Variants in CLINT1 observed in about 807,000 individuals in gnomAD.
CLINT1 encodes clathrin interactor 1.
A neutral mutation model predicts 70.4 loss-of-function variants in CLINT1; 15 were observed. That is an observed-to-expected ratio of 0.21 (90% confidence interval 0.14 to 0.33). CLINT1 has a LOEUF of 0.33. CLINT1 is among the 10% of genes least tolerant of loss of function. The pLI is 1.00. For synonymous variants in CLINT1, 227 were observed against 254.7 expected, an observed-to-expected ratio of 0.89 and a Z score of 1.04; for missense variants, 615 against 778.1, an observed-to-expected ratio of 0.79 and a Z score of 2.49.
At chr5:157,835,575 A>G (rs189107858) in intron 1 of CLINT1, among the ~76,000 whole-genome samples, 39 of 152,276 alleles carry the variant, frequency 2.6e-4, no homozygotes, top group Middle Eastern at 3.4e-3. Flanking sequence ...AATGTCTAAC[A>G]TAAGATGGCT....
At chr5:157,847,467 T>C (rs892190622) in intron 1 of CLINT1, among the ~76,000 whole-genome samples, 50 of 151,564 alleles carry the variant, frequency 3.3e-4, no homozygotes, top group Admixed American at 1.8e-3. Flanking sequence ...GCCGAGATCG[T>C]GCCACTACAC....
intron 1 of CLINT1, among the ~76,000 whole-genome samples, chr5:157,835,918 T>A (rs185780016): frequency 6.6e-6 from 1 of 152,326 alleles, no homozygotes; most frequent in East Asian, 1.9e-4. Flanking sequence ...TTCAAAAACA[T>A]GAAAACTTCT....
At chr5:157,818,203 A>G (rs72814509) in intron 1 of CLINT1, among the ~76,000 whole-genome samples, 19,864 of 152,102 alleles carry the variant, frequency 0.13, 1,529 homozygotes, top group Non-Finnish European at 0.19. Flanking sequence ...GTCTTCAGCA[A>G]TGATCAAGAA....
intron 3 of CLINT1, 36 bp from the exon 4 acceptor site, chr5:157,814,329 A>G: frequency 7.2e-7 from 1 of 1,386,890 alleles, no homozygotes; most frequent in South Asian, 1.2e-5. Flanking sequence ...ATTTAATGAA[A>G]TATATTCTAG....
chr5:157,791,868 AC>A lies in CLINT1; in HGVS notation c.1214del (p.Ser405MetfsTer7). ...SASQPAVELV[S>X]GSQSALGPPP... ...GTGGGCCTAGAGCTGATTGTGAGCC[AC>A]TAACAAGTTCTACCGCTGGCTGTGA... On this transcript the variant is annotated frameshift_variant, in exon 10 of 12. Transcript: ENST00000411809. LOFTEE classifies it high-confidence loss of function. The A allele has an allele frequency of 6.2e-7, 1 of 1,614,000 alleles. No homozygotes were observed. The highest frequency in any genetic ancestry group is 8.5e-7 in the Non-Finnish European group (1 of 1,179,878).
intron 7 of CLINT1, among the ~76,000 whole-genome samples, chr5:157,804,931 A>AAAAAAT: frequency 6.6e-6 from 1 of 150,656 alleles, no homozygotes; most frequent in Middle Eastern, 3.5e-3. Context: ...CGGTCTTCCA[A>AAAAAAT]AAAAAGAAAA....
intron 5 of CLINT1, among the ~76,000 whole-genome samples, chr5:157,810,799 ATAAC>A (rs1388025782): frequency 6.6e-6 from 1 of 152,244 alleles, no homozygotes; most frequent in Non-Finnish European, 1.5e-5. Flanking sequence ...AAACAACAAA[ATAAC>A]TAAAAAGTGG....
chr5:157,842,767 A>C (rs762914900), intron 1 of CLINT1, among the ~76,000 whole-genome samples: 2 of 152,242 alleles, frequency 1.3e-5, no homozygotes, highest in Non-Finnish European at 2.9e-5. Context: ...TTACAGAAAC[A>C]AAGTATAGAA....
At chr5:157,795,798 G>A (rs941059494) in intron 8 of CLINT1, 7 of 152,284 alleles carry the variant, frequency 4.6e-5, no homozygotes, top group African/African-American at 1.7e-4. Context: ...GGAGGATGAG[G>A]TAGCAGGATC....
At chr5:157,824,689 G>T (rs1263408282) in intron 1 of CLINT1, among the ~76,000 whole-genome samples, 1 of 152,094 alleles carries the variant, frequency 6.6e-6, no homozygotes, top group African/African-American at 2.4e-5. Flanking sequence ...ATAAAATAAA[G>T]TTTGGAAAAG....
At chr5:157,851,685 T>G (rs1448268895) in intron 1 of CLINT1, among the ~76,000 whole-genome samples, 1 of 92,892 alleles carries the variant, frequency 1.1e-5, no homozygotes, top group African/African-American at 4.9e-5. Flanking sequence ...AGACCCCGTC[T>G]CAAAAAAAAA....
intron 1 of CLINT1, among the ~76,000 whole-genome samples, chr5:157,819,938 A>T (rs1449569129): frequency 1.3e-5 from 2 of 152,206 alleles, no homozygotes; most frequent in African/African-American, 2.4e-5. Flanking sequence ...CCTTCACAAG[A>T]TTCTTAGCTG....
intron 10 of CLINT1, among the ~76,000 whole-genome samples, chr5:157,791,031 C>T (rs1295423247): frequency 6.6e-6 from 1 of 151,972 alleles, no homozygotes; most frequent in African/African-American, 2.4e-5. Context: ...GGATACTTGC[C>T]GTAAGTGAAA....
chr5:157,850,956 G>A (rs1049845417), intron 1 of CLINT1, among the ~76,000 whole-genome samples: 5 of 151,838 alleles, frequency 3.3e-5, no homozygotes, highest in Admixed American at 1.3e-4. Flanking sequence ...CACCATGTCC[G>A]GCTAATTTTT....
At position 157,791,720 on chromosome 5, in the gene CLINT1, G is replaced by A. The variant is rs1761911957; in HGVS notation, c.1363C>T (p.Pro455Ser). Reference protein sequence around the residue: ...MSTNTVGLGLPMSRSQNTDMV... With the variant: ...MSTNTVGLGLSMSRSQNTDMV... ...CAACTTACCTGTGATCTTGACATAGGCAAACCAAGTCCCACAGTGTTAGTG... is the reference window on the plus strand; with the variant it reads ...CAACTTACCTGTGATCTTGACATAGACAAACCAAGTCCCACAGTGTTAGTG... Residue 455 changes from proline (P) to serine (S), a missense_variant, in exon 10 of 12, where the codon CCT (proline) becomes TCT (serine). Physicochemically the swap from Pro to Ser is moderately conservative, Grantham distance 74. This residue lies in a region of CLINT1 where 374 missense variants were observed against 409.6 expected (regional missense o/e 0.91). Coordinates refer to ENST00000411809, the MANE Select transcript of CLINT1 (RefSeq NM_014666.4). The A allele has an allele frequency of 6.2e-7, 1 of 1,612,538 alleles. No individual in the cohort carries two copies. Among genetic ancestry groups the A allele is most frequent in the Non-Finnish European group, 8.5e-7 (1 of 1,179,176 alleles).
chr5:157,789,212 A>G lies in CLINT1; in HGVS notation c.1531+151T>C, dbSNP rs1761828512. On this transcript the variant is annotated intron_variant, in intron 11 of 11. Coordinates refer to ENST00000411809, the MANE Select transcript of CLINT1 (RefSeq NM_014666.4). ...AATGTGCCAGGAGGAATACCCAGTAAATATTATGTGAAAATATCTTAAGTG... is the reference window on the plus strand; with the variant it reads ...AATGTGCCAGGAGGAATACCCAGTAGATATTATGTGAAAATATCTTAAGTG... 7.2e-6 allele frequency: 5 copies of G among 693,454 alleles called. No homozygotes were observed. In the Admixed American group the frequency reaches 1.2e-4, roughly 17 times the overall value. 43.0% of individuals were successfully genotyped at this position (693,454 alleles called of 1,614,324 possible). A position where few individuals can be genotyped will look rare whatever the true frequency, so the allele number is the denominator to read the frequency against.
chr5:157,788,179 T>C (rs1002913842), intron 11 of CLINT1, among the ~76,000 whole-genome samples, 187 bp from the exon 12 acceptor site: 1 of 152,208 alleles, frequency 6.6e-6, no homozygotes, highest in Middle Eastern at 3.2e-3. Context: ...TCAGTGACTA[T>C]TGGCTCTGGT....
chr5:157,806,182 G>C, intron 6 of CLINT1, 70 bp from the exon 7 acceptor site: 2 of 1,492,562 alleles, frequency 1.3e-6, no homozygotes, highest in Non-Finnish European at 9.0e-7. Context: ...TCAGTGATTT[G>C]AGCTAAAGAA....
chr5:157,830,747 C>CCTCTCCCT (rs1763197173), intron 1 of CLINT1, among the ~76,000 whole-genome samples: 1 of 91,292 alleles, frequency 1.1e-5, no homozygotes, highest in Non-Finnish European at 2.3e-5. Flanking sequence ...CCTGCCCCTC[C>CCTCTCCCT]CTCTCTCTCC....
Sources: allele counts gnomAD v4.1 joint callset (sites outside exome capture counted in the v4.1 genomes callset), GRCh38; gene constraint gnomAD v4.1.1; regional missense constraint gnomAD v4.1.1; transcripts MANE v1.5; gene names NCBI Gene and HGNC (gene_info 2026-07-23, HGNC 2026-07-21).